Variants in CSMD1 observed in about 807,000 individuals in gnomAD.
The protein encoded by CSMD1 is CUB and sushi domain-containing protein 1.
CSMD1 carries 213 observed loss-of-function variants against 417.5 expected under a neutral mutation model. That is an observed-to-expected ratio of 0.51 (90% CI 0.46 to 0.57). The LOEUF (loss-of-function observed/expected upper bound fraction) is 0.57. Among genes scored for constraint, CSMD1 ranks in the 20% least tolerant of loss-of-function variants. The probability of loss-of-function intolerance (pLI) is 0.00; values close to 1 mark genes in which losing one functional copy is unlikely to be tolerated. For synonymous variants in CSMD1, 2,862 were observed against 1,736.8 expected (o/e 1.65, Z -16.11); for missense variants, 6,923 against 4,529.7 (o/e 1.53, Z -15.17).
chr8:4,991,728 C>G (rs1811478372), intron 1 of CSMD1, among the ~76,000 whole-genome samples: 1 of 152,172 alleles, frequency 6.6e-6, no homozygotes, highest in South Asian at 2.1e-4. Context: ...CCGGGCTTTG[C>G]TAGGCAAGGG....
At chr8:4,256,594 C>A (rs1405391605) in intron 3 of CSMD1, among the ~76,000 whole-genome samples, 2 of 152,188 alleles carry the variant, frequency 1.3e-5, no homozygotes, top group Admixed American at 6.5e-5. Context: ...TTTACCCTCA[C>A]TTTAGAGAAA....
chr8:4,621,176 C>CTA (rs1801759388), intron 2 of CSMD1, among the ~76,000 whole-genome samples: 1 of 151,874 alleles, frequency 6.6e-6, no homozygotes, highest in Non-Finnish European at 1.5e-5. Flanking sequence ...ATATGCAGAC[C>CTA]TATAAATAAT....
chr8:3,901,432 T>G (rs1000417459), intron 5 of CSMD1, among the ~76,000 whole-genome samples: 1 of 152,228 alleles, frequency 6.6e-6, no homozygotes, highest in Non-Finnish European at 1.5e-5. Context: ...GATGCATTTT[T>G]TGGTCTTACT....
At chr8:3,418,412 G>C (rs990153207) in intron 12 of CSMD1, among the ~76,000 whole-genome samples, 1 of 152,176 alleles carries the variant, frequency 6.6e-6, no homozygotes, top group African/African-American at 2.4e-5. Flanking sequence ...ATCCTGCCCA[G>C]AAAACTAAGA....
chr8:3,294,257 C>G (rs952321753), intron 25 of CSMD1, among the ~76,000 whole-genome samples: 1 of 152,130 alleles, frequency 6.6e-6, no homozygotes, highest in Admixed American at 6.5e-5. Flanking sequence ...CCCAGTTAGG[C>G]TACTCAGGGG....
intron 5 of CSMD1, among the ~76,000 whole-genome samples, chr8:3,784,263 C>T (rs1273236720): frequency 1.3e-5 from 2 of 152,214 alleles, no homozygotes; most frequent in Middle Eastern, 3.4e-3. Context: ...AACACAGGAC[C>T]TTGCTAGATT....
intron 1 of CSMD1, among the ~76,000 whole-genome samples, chr8:4,772,138 AG>A (rs533674055): frequency 1.6e-3 from 243 of 152,170 alleles, no homozygotes; most frequent in African/African-American, 5.5e-3. Context: ...CGAGAGCAGA[AG>A]TCAGTTCCTT....
chr8:3,711,607 T>C (rs1459275305), intron 6 of CSMD1, among the ~76,000 whole-genome samples: 2 of 152,180 alleles, frequency 1.3e-5, no homozygotes, highest in Non-Finnish European at 2.9e-5. Flanking sequence ...CATCTCTGTG[T>C]TGTGGTGACA....
At chr8:4,428,066 T>C (rs1363612967) in intron 2 of CSMD1, among the ~76,000 whole-genome samples, 2 of 152,194 alleles carry the variant, frequency 1.3e-5, no homozygotes, top group Non-Finnish European at 2.9e-5. Context: ...AGGTTACATG[T>C]CTCGTTTTCA....
chr8:4,899,509 T>A (rs1804724702), intron 1 of CSMD1, among the ~76,000 whole-genome samples: 1 of 152,160 alleles, frequency 6.6e-6, no homozygotes, highest in African/African-American at 2.4e-5. Context: ...GATCTCATTG[T>A]CTCACAAAAT....
rs143930833 is a variant in CSMD1 at position 3,862,957 on chromosome 8, C to G, written c.819-108915G>C. ...TTAAACAGCAGAAATTTATAGTTCA[C>G]AATTCTGGAGTCTGGAGATTCCAAT... On this transcript the variant is annotated intron_variant, in intron 5 of 69. Transcript: ENST00000635120. Among the ~76,000 whole-genome samples, 165 of 152,194 alleles carry G rather than the reference C, an allele frequency of 1.1e-3. 1 individual carries two copies. The highest frequency in any genetic ancestry group is 6.8e-3 in the East Asian group (35 of 5,170).
intron 2 of CSMD1, among the ~76,000 whole-genome samples, chr8:4,574,423 C>T (rs549133248): frequency 6.6e-6 from 1 of 152,158 alleles, no homozygotes; most frequent in Non-Finnish European, 1.5e-5. Flanking sequence ...AATGCCCCAC[C>T]CTTCTTCTGC....
chr8:3,861,447 G>A (rs143073568), intron 5 of CSMD1, among the ~76,000 whole-genome samples: 1 of 152,184 alleles, frequency 6.6e-6, no homozygotes, highest in African/African-American at 2.4e-5. Flanking sequence ...TACTATGAAT[G>A]AACAACCTAT....
At chr8:4,030,263 C>G (rs1370120029) in intron 4 of CSMD1, among the ~76,000 whole-genome samples, 6 of 152,342 alleles carry the variant, frequency 3.9e-5, no homozygotes, top group African/African-American at 7.2e-5. Context: ...CCCTCCTGCA[C>G]TGCCCTAGCA....
chr8:4,528,434 T>C (rs1217132025), intron 2 of CSMD1, among the ~76,000 whole-genome samples: 7 of 152,170 alleles, frequency 4.6e-5, no homozygotes, highest in African/African-American at 1.4e-4. Context: ...TTTTACCATA[T>C]CTACCACAGA....
At chr8:4,921,062 AAGAAAG>A (rs1361286764) in intron 1 of CSMD1, among the ~76,000 whole-genome samples, 1 of 150,952 alleles carries the variant, frequency 6.6e-6, no homozygotes, top group East Asian at 1.9e-4. Flanking sequence ...AGAGAAAGAA[AAGAAAG>A]AGAAAGAAAA....
intron 5 of CSMD1, among the ~76,000 whole-genome samples, chr8:3,916,637 G>A (rs1031174847): frequency 7.9e-5 from 12 of 152,106 alleles, no homozygotes; most frequent in Admixed American, 3.3e-4. Flanking sequence ...TAACATATAG[G>A]TACCCTGACA....
intron 4 of CSMD1, among the ~76,000 whole-genome samples, chr8:4,024,216 A>C (rs185720640): frequency 4.8e-4 from 73 of 152,350 alleles, no homozygotes; most frequent in Middle Eastern, 3.4e-3. Context: ...CATGGGAAAC[A>C]GAAGTGATGT....
At chr8:4,245,540 A>T (rs1802653594) in intron 3 of CSMD1, among the ~76,000 whole-genome samples, 2 of 152,198 alleles carry the variant, frequency 1.3e-5, no homozygotes, top group African/African-American at 2.4e-5. Flanking sequence ...CCATGCTGGG[A>T]TGCTAAACAT....
Sources: allele counts gnomAD v4.1 joint callset (sites outside exome capture counted in the v4.1 genomes callset), GRCh38; gene constraint gnomAD v4.1.1; transcripts MANE v1.5; gene names NCBI Gene and HGNC (gene_info 2026-07-23, HGNC 2026-07-21).